Variants in KIAA1328 observed in about 807,000 individuals in gnomAD.
KIAA1328 encodes the protein protein hinderin.
KIAA1328 carries 52 observed loss-of-function variants against 68.1 expected under a neutral mutation model. The observed-to-expected ratio is 0.76, with a 90% confidence interval of 0.61 to 0.96. The LOEUF (loss-of-function observed/expected upper bound fraction) is 0.96, where lower values mean the gene tolerates loss of function less well. Ranked by LOEUF, KIAA1328 falls within the 40% of genes least tolerant of loss-of-function variation. The pLI is 0.00. For missense variants in KIAA1328, 641 were observed against 677.6 expected (o/e 0.95, Z 0.60); for synonymous variants, 232 against 239.4 (o/e 0.97, Z 0.28).
At chr18:37,206,911 A>G (rs1373790168) in intron 9 of KIAA1328, among the ~76,000 whole-genome samples, 1 of 152,194 alleles carries the variant, frequency 6.6e-6, no homozygotes, top group Non-Finnish European at 1.5e-5. Context: ...AATAAAGTAC[A>G]GATTCATCTG....
intron 7 of KIAA1328, among the ~76,000 whole-genome samples, chr18:37,087,261 T>G (rs1039542302): frequency 6.6e-6 from 1 of 151,952 alleles, no homozygotes; most frequent in Non-Finnish European, 1.5e-5. Flanking sequence ...GGTTTTGCCA[T>G]GTTACCCAGG....
At chr18:36,979,162 T>G (rs2052585300) in intron 6 of KIAA1328, among the ~76,000 whole-genome samples, 1 of 150,312 alleles carries the variant, frequency 6.7e-6, no homozygotes, top group South Asian at 2.2e-4. Flanking sequence ...ACCCTATCTC[T>G]AAAAATAATA....
chr18:36,943,786 T>A (rs2050795811), intron 5 of KIAA1328, among the ~76,000 whole-genome samples: 1 of 152,214 alleles, frequency 6.6e-6, no homozygotes, highest in Non-Finnish European at 1.5e-5. Flanking sequence ...ATATAGGTTA[T>A]CCTAACTTAA....
At chr18:36,983,360 T>C (rs999886782) in intron 6 of KIAA1328, among the ~76,000 whole-genome samples, 1 of 152,036 alleles carries the variant, frequency 6.6e-6, no homozygotes, top group Non-Finnish European at 1.5e-5. Context: ...CTGGGATCAG[T>C]ATTACTGTTT....
intron 4 of KIAA1328, among the ~76,000 whole-genome samples, chr18:36,858,115 A>G (rs140603205): frequency 1.3e-5 from 2 of 152,264 alleles, no homozygotes; most frequent in East Asian, 3.9e-4. Context: ...ATCTCCAGCT[A>G]TACTTGTAGA....
chr18:36,898,768 G>A (rs577265934), intron 5 of KIAA1328, among the ~76,000 whole-genome samples: 14 of 151,832 alleles, frequency 9.2e-5, no homozygotes, highest in Non-Finnish European at 1.9e-4. Flanking sequence ...ATTTTGGAAA[G>A]TTTGTTCTAA....
intron 7 of KIAA1328, among the ~76,000 whole-genome samples, chr18:37,125,449 A>G (rs1055843712): frequency 1.3e-5 from 2 of 152,190 alleles, no homozygotes; most frequent in African/African-American, 4.8e-5. Context: ...CCTTAAAAAA[A>G]CCAGAAAACA....
intron 9 of KIAA1328, among the ~76,000 whole-genome samples, chr18:37,179,710 T>G (rs1476796505): frequency 1.3e-5 from 2 of 152,184 alleles, no homozygotes; most frequent in Non-Finnish European, 2.9e-5. Context: ...GAATACATTA[T>G]TTATTTATCT....
chr18:37,169,174 T>A (rs527995913), intron 8 of KIAA1328, among the ~76,000 whole-genome samples: 148 of 146,874 alleles, frequency 1.0e-3, no homozygotes, highest in African/African-American at 3.6e-3. Flanking sequence ...ATTTATATTT[T>A]TTTTTTTTTG....
intron 9 of KIAA1328, among the ~76,000 whole-genome samples, chr18:37,183,759 G>T (rs1431657164): frequency 6.6e-6 from 1 of 152,204 alleles, no homozygotes; most frequent in African/African-American, 2.4e-5. Flanking sequence ...TGAAAAGCTT[G>T]TATGGACCCA....
At chr18:37,080,502 C>T (rs767865689) in intron 7 of KIAA1328, among the ~76,000 whole-genome samples, 18 of 152,062 alleles carry the variant, frequency 1.2e-4, no homozygotes, top group Non-Finnish European at 1.9e-4. Flanking sequence ...CTGGGCCGGG[C>T]GCGGTGGCTC....
At chr18:37,074,637 G>T (rs986940537) in intron 7 of KIAA1328, 4 of 152,186 alleles carry the variant, frequency 2.6e-5, no homozygotes, top group Non-Finnish European at 5.9e-5. Flanking sequence ...TTGGCTTTCA[G>T]CTCCATCAGC....
chr18:36,986,279 C>G (rs569114982), intron 6 of KIAA1328, among the ~76,000 whole-genome samples: 1 of 152,002 alleles, frequency 6.6e-6, no homozygotes, highest in East Asian at 1.9e-4. Context: ...ACTACTGATA[C>G]GTTCAGTAAC....
chr18:36,916,195 T>G (rs1263268191), intron 5 of KIAA1328, among the ~76,000 whole-genome samples: 1 of 121,014 alleles, frequency 8.3e-6, no homozygotes, highest in Non-Finnish European at 1.9e-5. Flanking sequence ...TTTCTCACAC[T>G]GGGATTCCAA....
chr18:37,208,496 A>G (rs72898314), intron 9 of KIAA1328, among the ~76,000 whole-genome samples: 4,290 of 152,268 alleles, frequency 0.028, 85 homozygotes, highest in Middle Eastern at 0.065. Context: ...GGAGGCGAAT[A>G]TTGTGAATCA....
At chr18:37,166,223 G>A (rs894190872) in intron 8 of KIAA1328, among the ~76,000 whole-genome samples, 7 of 152,032 alleles carry the variant, frequency 4.6e-5, no homozygotes, top group Non-Finnish European at 1.0e-4. Context: ...GAACTCTGGA[G>A]GATAGTGAAA....
At chr18:36,914,244 A>G (rs1209337218) in intron 5 of KIAA1328, among the ~76,000 whole-genome samples, 1 of 152,174 alleles carries the variant, frequency 6.6e-6, no homozygotes, top group African/African-American at 2.4e-5. Flanking sequence ...TTTGTGTGCC[A>G]TAGCATATAA....
chr18:36,901,904 C>A (rs17567681), intron 5 of KIAA1328: 20,700 of 151,946 alleles, frequency 0.14, 1,759 homozygotes, highest in Admixed American at 0.18. Flanking sequence ...AGTTGCCAGG[C>A]AAGAAATATG....
intron 6 of KIAA1328, among the ~76,000 whole-genome samples, chr18:36,969,310 A>G (rs2151310040): frequency 6.6e-6 from 1 of 152,278 alleles, no homozygotes; most frequent in East Asian, 1.9e-4. Flanking sequence ...GGAGATTGAA[A>G]CACAAAGAAA....
Sources: allele counts gnomAD v4.1 joint callset (sites outside exome capture counted in the v4.1 genomes callset), GRCh38; gene constraint gnomAD v4.1.1; transcripts MANE v1.5; gene names NCBI Gene and HGNC (gene_info 2026-07-23, HGNC 2026-07-21).